ADAR: variants seen among roughly 807,000 people sequenced by gnomAD.
The protein encoded by ADAR is adenosine deaminase RNA specific.
ADAR carries 41 observed loss-of-function variants against 113.2 expected under a neutral mutation model. The ratio of observed to expected loss-of-function variants is 0.36; its 90% CI spans 0.28 to 0.47. The LOEUF (loss-of-function observed/expected upper bound fraction) is 0.47. ADAR is among the 20% of genes least tolerant of loss of function. The pLI is 1.00. For missense variants in ADAR, 1,242 were observed against 1,540.9 expected (o/e 0.81, Z 3.25); for synonymous variants, 605 against 572.6 (o/e 1.06, Z -0.81).
chr1:154,621,912 GAGA>G (rs1323785967), intron 1 of ADAR, among the ~76,000 whole-genome samples: 1 of 152,186 alleles, frequency 6.6e-6, no homozygotes, highest in Non-Finnish European at 1.5e-5. Context: ...CTATTTGTAG[GAGA>G]AGTACTTTTT....
rs544592154 is a variant in ADAR at position 154,583,110 on chromosome 1, C to T, written c.*1696G>A. ...ATCATCTGAGGGTGCTGGCTCAGCA[C>T]GTTCCCAGATGAAGGTCTGTCATCT... On this transcript the variant is annotated 3_prime_UTR_variant, in exon 15 of 15. Transcript: ENST00000368474. 4 of 152,344 alleles carry T rather than the reference C, an allele frequency of 2.6e-5. No homozygotes were observed. The highest frequency in any genetic ancestry group is 6.5e-5 in the Admixed American group (1 of 15,308). 9.4% of individuals were successfully genotyped at this position (152,344 alleles called of 1,614,324 possible).
At chr1:154,603,030 A>C (rs1168235350) in intron 1 of ADAR, among the ~76,000 whole-genome samples, 1 of 152,228 alleles carries the variant, frequency 6.6e-6, no homozygotes, top group Non-Finnish European at 1.5e-5. Context: ...AAACAGAATA[A>C]CCTGAAATAA....
At chr1:154,585,407 G>A (rs1696690938) in intron 13 of ADAR, 63 bp from the exon 14 acceptor site, 2 of 1,610,568 alleles carry the variant, frequency 1.2e-6, no homozygotes, top group Non-Finnish European at 1.7e-6. Flanking sequence ...TTCTGAAGCA[G>A]GGACTCAAGA....
chr1:154,615,049 G>A (rs1423064187), intron 1 of ADAR, among the ~76,000 whole-genome samples: 2 of 152,216 alleles, frequency 1.3e-5, no homozygotes, highest in Non-Finnish European at 1.5e-5. Flanking sequence ...CAACACAAGC[G>A]ATGCCAGCAC....
At chr1:154,589,953 G>T (rs747015655) in intron 7 of ADAR, 25 bp from the exon 8 acceptor site, 1 of 1,613,288 alleles carries the variant, frequency 6.2e-7, no homozygotes, top group South Asian at 1.1e-5. Context: ...GGCTGTGTCA[G>T]CACCACAAAG....
intron 6 of ADAR, among the ~76,000 whole-genome samples, chr1:154,593,463 A>G (rs1009111498): frequency 6.6e-6 from 1 of 152,194 alleles, no homozygotes; most frequent in South Asian, 2.1e-4. Context: ...TGTATCTTCC[A>G]TCTAGTTCAT....
At chr1:154,617,450 C>A (rs116815899) in intron 1 of ADAR, among the ~76,000 whole-genome samples, 46 of 152,306 alleles carry the variant, frequency 3.0e-4, no homozygotes, top group African/African-American at 1.1e-3. Flanking sequence ...CTGATGATCA[C>A]CTTTCCCTCC....
In ADAR at chr1:154,584,572, G is replaced by T. The variant is rs1696619982; in HGVS notation, c.*234C>A. ...GGTAGAAAGAAAAGATAACTTCTTA[G>T]GTTTCTGCCTCTTCACTTGGGGGAA... On this transcript the variant is annotated 3_prime_UTR_variant, in exon 15 of 15. Coordinates refer to ENST00000368474, the MANE Select transcript of ADAR (RefSeq NM_001111.5). 1.8e-6 allele frequency: 1 copy of T among 547,116 alleles called. No homozygotes were observed. The highest frequency in any genetic ancestry group is 3.2e-6 in the Non-Finnish European group (1 of 307,786). 33.9% of individuals were successfully genotyped at this position (547,116 alleles called of 1,614,324 possible).
At chr1:154,590,992 G>A (rs143461084) in intron 6 of ADAR, among the ~76,000 whole-genome samples, 2 of 152,076 alleles carry the variant, frequency 1.3e-5, no homozygotes, top group African/African-American at 4.8e-5. Context: ...GTAAATATCC[G>A]TAATACTAGG....
At chr1:154,617,796 A>C (rs1698675226) in intron 1 of ADAR, among the ~76,000 whole-genome samples, 1 of 152,138 alleles carries the variant, frequency 6.6e-6, no homozygotes, top group Non-Finnish European at 1.5e-5. Context: ...GGTATTTAAC[A>C]CATGTTAAAT....
In ADAR at chr1:154,584,729, T is replaced by C. The variant is rs1023508331; in HGVS notation, c.*77A>G. On this transcript the variant is annotated 3_prime_UTR_variant, in exon 15 of 15. Coordinates refer to ENST00000368474, the MANE Select transcript of ADAR (RefSeq NM_001111.5). ...AGGAGAAAAAAAAATCCCCTGACCA[T>C]GTGATGAGGAATGCTACGACCTACC... 4.9e-6 allele frequency: 6 copies of C among 1,229,848 alleles called. No individual in the cohort carries two copies. Among genetic ancestry groups the C allele is most frequent in the South Asian group, 2.6e-5 (2 of 77,908 alleles). The allele number at this position is 1,229,848 out of a possible 1,614,324, so 76.2% of individuals were successfully genotyped here. A position where few individuals can be genotyped will look rare whatever the true frequency, so the allele number is the denominator to read the frequency against.
intron 1 of ADAR, chr1:154,627,776 A>G: frequency 2.0e-6 from 1 of 499,126 alleles, no homozygotes; most frequent in Non-Finnish European, 4.0e-6. Flanking sequence ...TCTAACATCA[A>G]CGCCAGAGAC....
chr1:154,608,642 G>C (rs1443936537), upstream of ADAR: 1 of 152,518 alleles, frequency 6.6e-6, no homozygotes, highest in African/African-American at 2.4e-5. Context: ...GCGCCCGTCC[G>C]GTACTGTTTA....
At chr1:154,600,958 C>T in intron 2 of ADAR, 83 bp downstream of exon 2, 1 of 1,585,422 alleles carries the variant, frequency 6.3e-7, no homozygotes, top group Non-Finnish European at 8.6e-7. Context: ...CCAAACAGCA[C>T]TGCTCACAAA....
At chr1:154,587,126 C>T (rs1696813594) in intron 11 of ADAR, among the ~76,000 whole-genome samples, 1 of 152,160 alleles carries the variant, frequency 6.6e-6, no homozygotes, top group Non-Finnish European at 1.5e-5. Context: ...TACCCATTGG[C>T]GCAGTCACTC....
At chr1:154,622,651 C>T (rs1377590140) in intron 1 of ADAR, among the ~76,000 whole-genome samples, 1 of 152,144 alleles carries the variant, frequency 6.6e-6, no homozygotes, top group African/African-American at 2.4e-5. Flanking sequence ...TTGGGCCTGA[C>T]CTCTGCAGGT....
rs565103808 is a variant in ADAR at position 154,584,090 on chromosome 1, C to T, written c.*716G>A. On this transcript the variant is annotated 3_prime_UTR_variant, in exon 15 of 15. Transcript: ENST00000368474. ...ACCCAGTCTGGCTGGTTCTAGACTT[C>T]CCAGCTGCCGGAGAAAGTGATACAC... The T allele has an allele frequency of 3.3e-5, 5 of 152,482 alleles. No homozygotes were observed. The East Asian group carries it at 9.6e-4, about 29-fold the overall frequency. 9.4% of individuals were successfully genotyped at this position (152,482 alleles called of 1,614,324 possible).
At position 154,596,954 on chromosome 1, in the gene ADAR, G is replaced by A; in HGVS notation, c.2121C>T (p.Ser707=). Residue 707 remains serine, a synonymous_variant, in exon 6 of 15, where the codon TCC becomes TCT. Coordinates refer to ENST00000368474, the MANE Select transcript of ADAR (RefSeq NM_001111.5). ...TCTTCCTGACCTTGTTGGGCATCATGGATTCCAAGTTATCAAGTGACTCTG... is the reference window on the plus strand; with the variant it reads ...TCTTCCTGACCTTGTTGGGCATCATAGATTCCAAGTTATCAAGTGACTCTG... ...MISESLDNLE[S]MMPNKVRKIG... 6 of 1,614,142 alleles carry A rather than the reference G, an allele frequency of 3.7e-6. No individual in the cohort carries two copies. Among genetic ancestry groups the A allele is most frequent in the Non-Finnish European group, 5.1e-6 (6 of 1,180,028 alleles).
chr1:154,609,001 T>G (rs557370885), upstream of ADAR, among the ~76,000 whole-genome samples: 125 of 152,204 alleles, frequency 8.2e-4, no homozygotes, highest in Non-Finnish European at 1.4e-3. Flanking sequence ...ATCTAGGTCA[T>G]AAAAACTACC....
Sources: allele counts gnomAD v4.1 joint callset (sites outside exome capture counted in the v4.1 genomes callset), GRCh38; gene constraint gnomAD v4.1.1; transcripts MANE v1.5; gene names NCBI Gene and HGNC (gene_info 2026-07-23, HGNC 2026-07-21).